The following CACNG3 variants were observed in gnomAD, a reference collection of about 807,000 sequenced individuals.
CACNG3 encodes voltage-dependent calcium channel gamma-3 subunit.
A neutral mutation model predicts 28.5 loss-of-function variants in CACNG3; 3 were observed. The ratio of observed to expected loss-of-function variants is 0.11; its 90% CI spans 0.05 to 0.27. CACNG3 has a LOEUF of 0.27. CACNG3 is among the 10% of genes least tolerant of loss of function. The pLI is 1.00. For missense variants in CACNG3, 236 were observed against 414.4 expected, an observed-to-expected ratio of 0.57 and a Z score of 3.74; for synonymous variants, 174 against 162.2, an observed-to-expected ratio of 1.07 and a Z score of -0.55.
At chr16:24,321,944 C>T (rs907292213) in intron 1 of CACNG3, among the ~76,000 whole-genome samples, 1 of 152,178 alleles carries the variant, frequency 6.6e-6, no homozygotes, top group Non-Finnish European at 1.5e-5. Flanking sequence ...GGTTTTTGTA[C>T]TATTCGCAGT....
intron 1 of CACNG3, among the ~76,000 whole-genome samples, chr16:24,334,080 C>G (rs562759339): frequency 6.6e-6 from 1 of 152,304 alleles, no homozygotes; most frequent in Non-Finnish European, 1.5e-5. Flanking sequence ...GGGCTTAACC[C>G]AAGTACTCAG....
intron 1 of CACNG3, among the ~76,000 whole-genome samples, chr16:24,340,050 G>T: frequency 6.6e-6 from 1 of 152,106 alleles, no homozygotes; most frequent in East Asian, 1.9e-4. Context: ...TGGGAAGATT[G>T]CTTGAGTCCA....
intron 3 of CACNG3, among the ~76,000 whole-genome samples, chr16:24,359,249 T>C (rs527604044): frequency 1.2e-3 from 187 of 152,212 alleles, no homozygotes; most frequent in Non-Finnish European, 2.1e-3. Context: ...ACTTAAAAAT[T>C]CATGTGAAGT....
At chr16:24,286,545 T>C (rs1898897544) in intron 1 of CACNG3, among the ~76,000 whole-genome samples, 1 of 152,140 alleles carries the variant, frequency 6.6e-6, no homozygotes, top group Admixed American at 6.5e-5. Context: ...TTCCTAGTAG[T>C]GTCCTCTGTT....
chr16:24,351,728 A>T (rs1899948315), intron 2 of CACNG3, among the ~76,000 whole-genome samples: 1 of 100,250 alleles, frequency 1.0e-5, no homozygotes, highest in Non-Finnish European at 2.0e-5. Flanking sequence ...AGGGAGGGAG[A>T]GAGAGAGAAA....
chr16:24,281,676 T>C (rs1364478717), intron 1 of CACNG3, among the ~76,000 whole-genome samples: 2 of 152,186 alleles, frequency 1.3e-5, no homozygotes, highest in Non-Finnish European at 2.9e-5. Flanking sequence ...GTCACGTGAT[T>C]CAATCTTGAA....
intron 1 of CACNG3, among the ~76,000 whole-genome samples, chr16:24,274,199 A>C (rs1010260460): frequency 2.6e-3 from 384 of 145,532 alleles, no homozygotes; most frequent in East Asian, 0.011. Context: ...AAAAAAAAAA[A>C]ACAAAAAAAA....
chr16:24,328,846 C>T (rs938702528), intron 1 of CACNG3, among the ~76,000 whole-genome samples: 6 of 152,138 alleles, frequency 3.9e-5, no homozygotes, highest in Non-Finnish European at 7.4e-5. Context: ...CTTGCTCTTC[C>T]AAAATGCGTC....
At chr16:24,274,079 C>T (rs1898722485) in intron 1 of CACNG3, among the ~76,000 whole-genome samples, 1 of 151,182 alleles carries the variant, frequency 6.6e-6, no homozygotes, top group Non-Finnish European at 1.5e-5. Flanking sequence ...CCCAGCTACT[C>T]TGAAGGCTGA....
At chr16:24,308,839 CAAAAAAAAAAAAAA>C (rs71154298) in intron 1 of CACNG3, among the ~76,000 whole-genome samples, 2 of 27,268 alleles carry the variant, frequency 7.3e-5, no homozygotes, top group South Asian at 4.3e-3. Flanking sequence ...GAACCTACCT[CAAAAAAAAAAAAAA>C]AAAAAAAAAA....
chr16:24,358,390 C>T lies in CACNG3; in HGVS notation c.437-2962C>T, dbSNP rs570972401. 3.2e-4 allele frequency among the ~76,000 whole-genome samples: 49 copies of T among 152,328 alleles called. 2 individuals are homozygous for T. Among genetic ancestry groups the T allele is most frequent in the African/African-American group, 1.1e-3 (45 of 41,576 alleles). ...AAAAATGAGTATCATAACGGCCCCA[C>T]CTTTTGAAGCTGTTAAGAGGATTAA... On this transcript the variant is annotated intron_variant, in intron 3 of 3. Coordinates refer to ENST00000005284, the MANE Select transcript of CACNG3 (RefSeq NM_006539.4).
intron 1 of CACNG3, among the ~76,000 whole-genome samples, chr16:24,342,885 A>G (rs867389694): frequency 8.5e-5 from 13 of 152,102 alleles, no homozygotes; most frequent in Middle Eastern, 6.8e-3. Context: ...GCTGCTTTAG[A>G]CCATTAAAAA....
chr16:24,346,861 G>T, intron 2 of CACNG3, 44 bp downstream of exon 2: 1 of 1,476,254 alleles, frequency 6.8e-7, no homozygotes, highest in Non-Finnish European at 9.5e-7. Context: ...GGAAGGGATG[G>T]GCCTCTGCCA....
intron 1 of CACNG3, among the ~76,000 whole-genome samples, chr16:24,279,330 G>A (rs182354326): frequency 1.3e-5 from 2 of 152,298 alleles, no homozygotes; most frequent in Admixed American, 1.3e-4. Flanking sequence ...GTCTCACTCT[G>A]TTGGCCGGGC....
At chr16:24,295,920 A>C (rs1899025964) in intron 1 of CACNG3, among the ~76,000 whole-genome samples, 1 of 152,182 alleles carries the variant, frequency 6.6e-6, no homozygotes, top group African/African-American at 2.4e-5. Flanking sequence ...AGATGAAAAA[A>C]CTGAGGCTTA....
At position 24,322,577 on chromosome 16, in the gene CACNG3, A is replaced by T. The variant is rs368062904; in HGVS notation, c.212-24157A>T. ...GACTTTTACATTTGTAAAATACAAG[A>T]AAATGGAGCCAAAAAGAAAAAAAAA... On this transcript the variant is annotated intron_variant, in intron 1 of 3. Transcript: ENST00000005284. 1.1e-4 allele frequency among the ~76,000 whole-genome samples: 16 copies of T among 152,298 alleles called. No homozygotes were observed. The East Asian group carries it at 1.4e-3, about 13-fold the overall frequency.
chr16:24,314,504 T>A (rs1247639444), intron 1 of CACNG3, among the ~76,000 whole-genome samples: 2 of 152,178 alleles, frequency 1.3e-5, no homozygotes, highest in Admixed American at 1.3e-4. Flanking sequence ...GAAGGAAGCC[T>A]TGTGCTCGTG....
intron 1 of CACNG3, among the ~76,000 whole-genome samples, chr16:24,272,860 T>G (rs1567207874): frequency 6.6e-6 from 1 of 152,204 alleles, no homozygotes; most frequent in Non-Finnish European, 1.5e-5. Context: ...AATTTTATTT[T>G]AAGTTCAGGG....
intron 1 of CACNG3, among the ~76,000 whole-genome samples, chr16:24,257,399 G>GAC (rs1365675261): frequency 6.9e-6 from 1 of 145,634 alleles, no homozygotes; most frequent in Non-Finnish European, 1.5e-5. Flanking sequence ...GAGAGAGAGA[G>GAC]AGAGAGAGAG....
Sources: gnomAD v4.1 joint callset for allele counts (sites outside exome capture counted in the v4.1 genomes callset) on GRCh38, gnomAD v4.1.1 for gene constraint, MANE v1.5 for transcripts, NCBI Gene and HGNC (gene_info 2026-07-23, HGNC 2026-07-21) for gene names.